The following LMNTD1 variants were observed in gnomAD, a reference collection of about 807,000 sequenced individuals.
LMNTD1 encodes the protein lamin tail domain-containing protein 1.
In LMNTD1, 35 loss-of-function variants were observed where a neutral mutation model predicts 50.9. That is an observed-to-expected ratio of 0.69 (90% CI 0.53 to 0.91). The LOEUF (loss-of-function observed/expected upper bound fraction) is 0.91, where lower values mean the gene tolerates loss of function less well. Ranked by LOEUF, LMNTD1 falls within the 40% of genes least tolerant of loss-of-function variation. LMNTD1 has a pLI of 0.00. For missense variants in LMNTD1, 470 were observed against 475.5 expected, an observed-to-expected ratio of 0.99 and a Z score of 0.11; for synonymous variants, 153 against 161.9, an observed-to-expected ratio of 0.94 and a Z score of 0.42.
chr12:25,642,975 TTCAACAA>T (rs1210154041), intron 1 of LMNTD1, among the ~76,000 whole-genome samples: 10 of 152,242 alleles, frequency 6.6e-5, no homozygotes, highest in African/African-American at 2.4e-4. Context: ...TCAGTATGCA[TTCAACAA>T]TTCAGTTAAT....
chr12:25,639,946 C>T (rs1946916462), intron 1 of LMNTD1, among the ~76,000 whole-genome samples: 1 of 152,144 alleles, frequency 6.6e-6, no homozygotes, highest in Admixed American at 6.6e-5. Flanking sequence ...GCATATCCAT[C>T]CAATGGGATA....
At chr12:25,537,519 G>T (rs10771225) in intron 4 of LMNTD1, among the ~76,000 whole-genome samples, 101,064 of 151,020 alleles carry the variant, frequency 0.67, 34,142 homozygotes, top group Admixed American at 0.73. Flanking sequence ...GGTCCTGTCT[G>T]TTAGAAGGAA....
intron 9 of LMNTD1, among the ~76,000 whole-genome samples, chr12:25,478,491 A>C (rs1252510829): frequency 6.6e-6 from 1 of 152,262 alleles, no homozygotes; most frequent in Non-Finnish European, 1.5e-5. Flanking sequence ...ATACATGCAC[A>C]AACAAGTTTT....
At position 25,519,587 on chromosome 12, in the gene LMNTD1, C is replaced by T. The variant is rs574045253; in HGVS notation, c.1016+271G>A. 2.0e-3 allele frequency among the ~76,000 whole-genome samples: 186 copies of T among 94,674 alleles called. 9 individuals are homozygous for T. Among genetic ancestry groups the T allele is most frequent in the Middle Eastern group, 6.0e-3 (1 of 168 alleles). 62.1% of individuals were successfully genotyped at this position (94,674 alleles called of 152,430 possible). On this transcript the variant is annotated intron_variant, in intron 7 of 9. Coordinates refer to ENST00000458174, the MANE Select transcript of LMNTD1 (RefSeq NM_001145728.2). ...TGGGTGACAGAGCGAGACTCTGTCT[C>T]AAAAAAAAAAAAAAAAAAAAAGTGA...
At chr12:25,628,422 T>C (rs527559329) in intron 1 of LMNTD1, among the ~76,000 whole-genome samples, 31 of 152,316 alleles carry the variant, frequency 2.0e-4, no homozygotes, top group African/African-American at 6.0e-4. Context: ...ATCTGAGCTA[T>C]GATTTTTTTC....
intron 1 of LMNTD1, among the ~76,000 whole-genome samples, chr12:25,594,254 A>G (rs1469647658): frequency 6.6e-6 from 1 of 152,186 alleles, no homozygotes; most frequent in East Asian, 1.9e-4. Flanking sequence ...GCCTAGGCAC[A>G]TTGTCATCAG....
intron 1 of LMNTD1, among the ~76,000 whole-genome samples, chr12:25,569,364 AT>A (rs1446919973): frequency 6.6e-6 from 1 of 152,140 alleles, no homozygotes; most frequent in Admixed American, 6.5e-5. Context: ...CTGTACCACC[AT>A]TGTATCTGGG....
chr12:25,530,397 T>C (rs888049666), intron 4 of LMNTD1, among the ~76,000 whole-genome samples: 1 of 152,214 alleles, frequency 6.6e-6, no homozygotes, highest in Non-Finnish European at 1.5e-5. Context: ...CCTGCTCTTA[T>C]GTCATATTTT....
At chr12:25,591,854 A>AGAGAGAGAGAGAGG (rs1246172417) in intron 1 of LMNTD1, among the ~76,000 whole-genome samples, 3 of 147,922 alleles carry the variant, frequency 2.0e-5, no homozygotes. Context: ...AGAGAGAGAG[A>AGAGAGAGAGAGAGG]GAGACTCTAT....
At chr12:25,517,967 T>C (rs1240666394) in intron 8 of LMNTD1, among the ~76,000 whole-genome samples, 6 of 152,080 alleles carry the variant, frequency 3.9e-5, no homozygotes, top group African/African-American at 1.4e-4. Context: ...AAGGGGGTCA[T>C]GAGTAGTGGA....
intron 6 of LMNTD1, among the ~76,000 whole-genome samples, chr12:25,522,707 G>A (rs562450420): frequency 3.9e-5 from 6 of 152,250 alleles, no homozygotes; most frequent in Non-Finnish European, 7.4e-5. Context: ...TATTGGGAAA[G>A]TACCAGGCAT....
At chr12:25,492,730 G>A (rs532447952) in intron 9 of LMNTD1, among the ~76,000 whole-genome samples, 4 of 152,074 alleles carry the variant, frequency 2.6e-5, no homozygotes, top group Admixed American at 6.6e-5. Flanking sequence ...AAAAATAACC[G>A]CTATTTTATA....
intron 1 of LMNTD1, chr12:25,592,838 G>A (rs35335775): frequency 0.28 from 42,511 of 152,030 alleles, 7,471 homozygotes; most frequent in East Asian, 0.8. Flanking sequence ...AGCCCTGTTC[G>A]CCCACTGCCT....
chr12:25,609,021 T>C (rs1288111219), intron 1 of LMNTD1, among the ~76,000 whole-genome samples: 1 of 152,226 alleles, frequency 6.6e-6, no homozygotes, highest in East Asian at 1.9e-4. Flanking sequence ...TGTTCATTTC[T>C]TTTTAGTATT....
At chr12:25,482,444 A>T (rs1217484412) in intron 9 of LMNTD1, among the ~76,000 whole-genome samples, 3 of 152,010 alleles carry the variant, frequency 2.0e-5, no homozygotes, top group Non-Finnish European at 4.4e-5. Context: ...TTTAACACAA[A>T]TCTAAGTGCT....
At chr12:25,546,616 G>T (rs1943452758) in intron 3 of LMNTD1, 62 bp from the exon 4 acceptor site, 3 of 1,023,564 alleles carry the variant, frequency 2.9e-6, no homozygotes, top group South Asian at 3.0e-5. Flanking sequence ...ACATTAAAAG[G>T]ACCTAAAGCC....
At chr12:25,552,313 A>G (rs995388160) in intron 2 of LMNTD1, among the ~76,000 whole-genome samples, 4 of 152,088 alleles carry the variant, frequency 2.6e-5, no homozygotes, top group Admixed American at 1.3e-4. Context: ...AAATTGACTT[A>G]ACATATTAAA....
chr12:25,564,685 A>C (rs564793174), intron 1 of LMNTD1, among the ~76,000 whole-genome samples: 57 of 152,358 alleles, frequency 3.7e-4, no homozygotes, highest in African/African-American at 1.3e-3. Flanking sequence ...TGTGCTGAGG[A>C]AAAGAATGTG....
chr12:25,546,415 G>A lies in LMNTD1; in HGVS notation c.450C>T (p.Tyr150=), dbSNP rs1943434813. The A allele has an allele frequency of 6.3e-7, 1 of 1,591,578 alleles. No homozygotes were observed. Among genetic ancestry groups the A allele is most frequent in the Non-Finnish European group, 8.6e-7 (1 of 1,168,806 alleles). Reference sequence around the variant, plus strand: ...CAACTTCTTCAAGAATCATAGAAAAGTATTTTAAAGTTTTCTGAGTGTAGT... The same window carrying A: ...CAACTTCTTCAAGAATCATAGAAAAATATTTTAAAGTTTTCTGAGTGTAGT... ...HSNYTQKTLK[Y]FSMILEEVGQ... Residue 150 remains tyrosine, a synonymous_variant, in exon 4 of 10, where the codon TAC becomes TAT. Transcript: ENST00000458174.
Sources: allele counts gnomAD v4.1 joint callset (sites outside exome capture counted in the v4.1 genomes callset), GRCh38; gene constraint gnomAD v4.1.1; transcripts MANE v1.5; gene names NCBI Gene and HGNC (gene_info 2026-07-23, HGNC 2026-07-21).